The following CTNND2 variants were observed in gnomAD, a reference collection of about 807,000 sequenced individuals.
CTNND2 encodes the protein catenin delta 2.
A neutral mutation model predicts 144.4 loss-of-function variants in CTNND2; 22 were observed. The ratio of observed to expected loss-of-function variants is 0.15; its 90% CI spans 0.11 to 0.22. The LOEUF is 0.22. Ranked by LOEUF, CTNND2 falls within the 10% of genes least tolerant of loss-of-function variation. CTNND2 has a pLI of 1.00. For missense variants in CTNND2, 1,353 were observed against 1,618.8 expected (o/e 0.84, Z 2.82); for synonymous variants, 751 against 695.6 (o/e 1.08, Z -1.25).
At chr5:11,360,089 A>G (rs1242455881) in intron 8 of CTNND2, among the ~76,000 whole-genome samples, 1 of 152,158 alleles carries the variant, frequency 6.6e-6, no homozygotes, top group Non-Finnish European at 1.5e-5. Flanking sequence ...GGTAGACAGT[A>G]GTGCGCATCT....
At chr5:11,522,709 A>G (rs1772853080) in intron 3 of CTNND2, among the ~76,000 whole-genome samples, 1 of 152,214 alleles carries the variant, frequency 6.6e-6, no homozygotes, top group Admixed American at 6.5e-5. Context: ...GACTCATGAC[A>G]AGATGGCAGA....
chr5:11,014,248 C>G (rs1247475584), intron 18 of CTNND2, among the ~76,000 whole-genome samples: 1 of 152,212 alleles, frequency 6.6e-6, no homozygotes, highest in African/African-American at 2.4e-5. Context: ...AACCAGCCAT[C>G]CTGACAGTTC....
intron 1 of CTNND2, among the ~76,000 whole-genome samples, chr5:11,766,286 G>A (rs895273562): frequency 3.3e-5 from 5 of 152,122 alleles, no homozygotes; most frequent in South Asian, 2.1e-4. Flanking sequence ...GCTCAGAGCC[G>A]CTTGATGTTC....
At chr5:11,349,139 T>C (rs1755088021) in intron 8 of CTNND2, among the ~76,000 whole-genome samples, 2 of 152,190 alleles carry the variant, frequency 1.3e-5, no homozygotes, top group African/African-American at 4.8e-5. Flanking sequence ...GATCATTGTT[T>C]AATTTCAACC....
intron 9 of CTNND2, among the ~76,000 whole-genome samples, chr5:11,277,142 CT>C (rs551928537): frequency 3.3e-5 from 5 of 151,564 alleles, no homozygotes; most frequent in African/African-American, 7.3e-5. Context: ...TCCCCCTTGC[CT>C]TTTTTTTTCT....
intron 3 of CTNND2, among the ~76,000 whole-genome samples, chr5:11,450,203 A>C (rs1765178288): frequency 6.6e-6 from 1 of 152,188 alleles, no homozygotes; most frequent in African/African-American, 2.4e-5. Context: ...CCCACTGCTG[A>C]GATTTCCTTG....
At chr5:11,300,864 A>T (rs1195886297) in intron 9 of CTNND2, among the ~76,000 whole-genome samples, 1 of 152,170 alleles carries the variant, frequency 6.6e-6, no homozygotes, top group Non-Finnish European at 1.5e-5. Flanking sequence ...GAAAGGGAAG[A>T]TGTCTTCAGA....
chr5:11,017,884 G>T, intron 18 of CTNND2, 90 bp downstream of exon 18: 1 of 950,792 alleles, frequency 1.1e-6, no homozygotes, highest in Non-Finnish European at 1.7e-6. Flanking sequence ...AATGACTGAG[G>T]CTGTGGGAAA....
intron 9 of CTNND2, among the ~76,000 whole-genome samples, chr5:11,301,490 A>C (rs1317492584): frequency 6.6e-6 from 1 of 152,154 alleles, no homozygotes; most frequent in East Asian, 1.9e-4. Flanking sequence ...TTTTAGACTT[A>C]AGACGAACAA....
chr5:11,183,920 T>C (rs1036181697), intron 11 of CTNND2, among the ~76,000 whole-genome samples: 2 of 152,120 alleles, frequency 1.3e-5, no homozygotes, highest in African/African-American at 2.4e-5. Context: ...TCCCTCCCTC[T>C]TTCTCTTTCT....
At chr5:11,390,492 G>A (rs1759535349) in intron 6 of CTNND2, among the ~76,000 whole-genome samples, 1 of 152,186 alleles carries the variant, frequency 6.6e-6, no homozygotes, top group Non-Finnish European at 1.5e-5. Context: ...GTTAACAAGA[G>A]ACCTGACAGC....
At chr5:11,797,694 C>T (rs1443376348) in intron 1 of CTNND2, among the ~76,000 whole-genome samples, 1 of 152,120 alleles carries the variant, frequency 6.6e-6, no homozygotes, top group African/African-American at 2.4e-5. Context: ...TCAAACTTCT[C>T]AACAAATGTT....
intron 2 of CTNND2, among the ~76,000 whole-genome samples, chr5:11,586,191 G>A: frequency 6.6e-6 from 1 of 151,962 alleles, no homozygotes; most frequent in Non-Finnish European, 1.5e-5. Flanking sequence ...CAGCTACATG[G>A]GGAGGACCTA....
At chr5:10,998,477 T>C (rs1223756388) in intron 18 of CTNND2, among the ~76,000 whole-genome samples, 2 of 152,194 alleles carry the variant, frequency 1.3e-5, no homozygotes, top group African/African-American at 4.8e-5. Context: ...ACATAAAATT[T>C]GTGTGCTGTG....
chr5:11,828,401 G>T (rs534592184), intron 1 of CTNND2, among the ~76,000 whole-genome samples: 1 of 152,188 alleles, frequency 6.6e-6, no homozygotes, highest in South Asian at 2.1e-4. Context: ...ATGGTGGGAG[G>T]CACCTGTAAT....
intron 7 of CTNND2, among the ~76,000 whole-genome samples, chr5:11,379,594 GA>G (rs149799250): frequency 0.031 from 4,636 of 151,994 alleles, 229 homozygotes; most frequent in African/African-American, 0.1. Flanking sequence ...TTTGGGTCAG[GA>G]AAAAATATAA....
intron 16 of CTNND2, among the ~76,000 whole-genome samples, chr5:11,032,223 A>G (rs1743553898): frequency 6.6e-6 from 1 of 152,186 alleles, no homozygotes. Context: ...GATGATATAA[A>G]AGTGAGGAGC....
At chr5:11,352,839 A>C (rs956863085) in intron 8 of CTNND2, among the ~76,000 whole-genome samples, 1 of 152,232 alleles carries the variant, frequency 6.6e-6, no homozygotes, top group African/African-American at 2.4e-5. Context: ...GATATACAGC[A>C]TAATGGACTT....
intron 9 of CTNND2, among the ~76,000 whole-genome samples, chr5:11,340,572 C>T (rs543938137): frequency 1.3e-5 from 2 of 151,750 alleles, no homozygotes; most frequent in African/African-American, 4.8e-5. Context: ...AAATTGGGAC[C>T]CAAAAAAGAT....
Sources: allele counts gnomAD v4.1 joint callset (sites outside exome capture counted in the v4.1 genomes callset), GRCh38; gene constraint gnomAD v4.1.1; transcripts MANE v1.5; gene names NCBI Gene and HGNC (gene_info 2026-07-23, HGNC 2026-07-21).